The following GRM8 variants were observed in gnomAD, a reference collection of about 807,000 sequenced individuals.
GRM8 encodes the protein metabotropic glutamate receptor 8.
In GRM8, 47 loss-of-function variants were observed where a neutral mutation model predicts 87.2. The observed-to-expected ratio is 0.54, with a 90% CI of 0.43 to 0.69. The LOEUF (loss-of-function observed/expected upper bound fraction) is 0.69, where lower values mean the gene tolerates loss of function less well. Among genes scored for constraint, GRM8 ranks in the 30% least tolerant of loss-of-function variants. The probability of loss-of-function intolerance (pLI) is 0.00; values close to 1 mark genes in which losing one functional copy is unlikely to be tolerated. For missense variants in GRM8, 1,019 were observed against 1,139.2 expected, an observed-to-expected ratio of 0.89 and a Z score of 1.52; for synonymous variants, 396 against 404.5, an observed-to-expected ratio of 0.98 and a Z score of 0.25.
chr7:126,815,522 G>A (rs148382256), intron 6 of GRM8, among the ~76,000 whole-genome samples: 50 of 152,172 alleles, frequency 3.3e-4, no homozygotes, highest in Admixed American at 6.5e-4. Flanking sequence ...TAATATCATT[G>A]CTCTAATTTC....
intron 2 of GRM8, among the ~76,000 whole-genome samples, chr7:127,152,727 T>C (rs1011126049): frequency 2.8e-4 from 43 of 152,160 alleles, no homozygotes; most frequent in Admixed American, 2.8e-3. Context: ...AGATTATTTC[T>C]TTAAATTGGA....
chr7:126,922,589 C>T (rs1400633150), intron 3 of GRM8, among the ~76,000 whole-genome samples: 2 of 152,040 alleles, frequency 1.3e-5, no homozygotes, highest in East Asian at 1.9e-4. Context: ...TATACAATAT[C>T]GCTTGGGTAA....
intron 7 of GRM8, among the ~76,000 whole-genome samples, chr7:126,631,351 A>G (rs1045056050): frequency 2.0e-5 from 3 of 152,140 alleles, no homozygotes; most frequent in Non-Finnish European, 4.4e-5. Flanking sequence ...CTTCAAGGAG[A>G]ACTACAAACC....
At chr7:127,130,945 T>C (rs1488306676) in intron 2 of GRM8, among the ~76,000 whole-genome samples, 5 of 152,296 alleles carry the variant, frequency 3.3e-5, no homozygotes, top group Non-Finnish European at 5.9e-5. Context: ...CAATTAAACC[T>C]TTCTTTATAG....
chr7:126,730,624 T>C (rs1019673156), intron 7 of GRM8, among the ~76,000 whole-genome samples: 1 of 152,094 alleles, frequency 6.6e-6, no homozygotes, highest in Non-Finnish European at 1.5e-5. Flanking sequence ...TGTGGAAGAA[T>C]GAGGCAGGAT....
chr7:127,127,764 A>G (rs1563531023), intron 2 of GRM8, among the ~76,000 whole-genome samples: 1 of 152,058 alleles, frequency 6.6e-6, no homozygotes, highest in Non-Finnish European at 1.5e-5. Flanking sequence ...CACTAGGTGC[A>G]TATTATTATA....
chr7:126,664,969 T>C (rs1339563392), intron 7 of GRM8, among the ~76,000 whole-genome samples: 1 of 152,064 alleles, frequency 6.6e-6, no homozygotes, highest in South Asian at 2.1e-4. Flanking sequence ...AAGATATAAA[T>C]AGACACTTCT....
At chr7:126,701,237 C>G (rs1020098534) in intron 7 of GRM8, among the ~76,000 whole-genome samples, 2 of 152,140 alleles carry the variant, frequency 1.3e-5, no homozygotes, top group Admixed American at 1.3e-4. Context: ...TGGGGGTGGG[C>G]TGCCTTGTAT....
intron 9 of GRM8, among the ~76,000 whole-genome samples, chr7:126,488,626 C>T (rs1244136053): frequency 6.6e-6 from 1 of 151,906 alleles, no homozygotes; most frequent in Non-Finnish European, 1.5e-5. Flanking sequence ...CTTCCAGGAG[C>T]CAGTCCAATT....
At chr7:126,625,054 ATATC>A (rs1270468965) in intron 7 of GRM8, among the ~76,000 whole-genome samples, 1 of 151,964 alleles carries the variant, frequency 6.6e-6, no homozygotes, top group African/African-American at 2.4e-5. Context: ...TAACATCCAA[ATATC>A]TAGTGAGTTC....
chr7:126,816,752 G>GTGTGTGTGTC (rs951808058), intron 6 of GRM8, among the ~76,000 whole-genome samples: 3 of 151,650 alleles, frequency 2.0e-5, no homozygotes, highest in Admixed American at 1.3e-4. Context: ...GTGTGTGTGT[G>GTGTGTGTGTC]TGTGTGTGTG....
chr7:126,526,409 T>C (rs1210743916), intron 9 of GRM8, among the ~76,000 whole-genome samples: 1 of 152,068 alleles, frequency 6.6e-6, no homozygotes, highest in East Asian at 1.9e-4. Context: ...CATTTCGATG[T>C]GTTAGCTCTA....
intron 3 of GRM8, among the ~76,000 whole-genome samples, chr7:127,008,734 T>G (rs1814573043): frequency 6.6e-6 from 1 of 152,074 alleles, no homozygotes; most frequent in Admixed American, 6.6e-5. Context: ...AAAAACAGCC[T>G]CTGTTCCCAG....
At chr7:126,828,107 G>A (rs930067369) in intron 6 of GRM8, among the ~76,000 whole-genome samples, 2 of 151,980 alleles carry the variant, frequency 1.3e-5, no homozygotes, top group Non-Finnish European at 2.9e-5. Context: ...TGCTGGATTC[G>A]TTTTGCCAGT....
chr7:126,849,791 C>A (rs1369783378), intron 6 of GRM8, among the ~76,000 whole-genome samples: 2 of 152,060 alleles, frequency 1.3e-5, no homozygotes, highest in Non-Finnish European at 1.5e-5. Context: ...CCTTCATACC[C>A]ATCTCCTCTC....
At chr7:126,945,900 A>G (rs867031154) in intron 3 of GRM8, among the ~76,000 whole-genome samples, 1 of 152,248 alleles carries the variant, frequency 6.6e-6, no homozygotes, top group Admixed American at 6.5e-5. Context: ...AAAGTAGAAC[A>G]GTAGAAGACC....
chr7:126,824,301 C>CA (rs527266559), intron 6 of GRM8, among the ~76,000 whole-genome samples: 41 of 151,614 alleles, frequency 2.7e-4, no homozygotes, highest in Non-Finnish European at 5.0e-4. Flanking sequence ...CATTGTGTCA[C>CA]AAAAAAAGTA....
chr7:126,781,648 C>T (rs2023734), intron 6 of GRM8, among the ~76,000 whole-genome samples: 59,697 of 152,052 alleles, frequency 0.39, 12,599 homozygotes, highest in Non-Finnish European at 0.47. Context: ...CACCTTAAAC[C>T]TGTAATTAAT....
chr7:126,620,092 C>T (rs931094314), intron 7 of GRM8, among the ~76,000 whole-genome samples: 3 of 152,068 alleles, frequency 2.0e-5, no homozygotes, highest in Non-Finnish European at 4.4e-5. Context: ...GAGTTCAAGA[C>T]CAGCCTGGGC....
Sources: gnomAD v4.1 joint callset for allele counts (sites outside exome capture counted in the v4.1 genomes callset) on GRCh38, gnomAD v4.1.1 for gene constraint, MANE v1.5 for transcripts, NCBI Gene and HGNC (gene_info 2026-07-23, HGNC 2026-07-21) for gene names.